PCDHA7: variants seen among roughly 807,000 people sequenced by gnomAD.
PCDHA7 encodes protocadherin alpha 7, also known as protocadherin alpha-7.
PCDHA7 carries 37 observed loss-of-function variants against 57.2 expected under a neutral mutation model. The ratio of observed to expected loss-of-function variants is 0.65; its 90% confidence interval spans 0.50 to 0.85. The LOEUF is 0.85. Ranked by LOEUF, PCDHA7 falls within the 40% of genes least tolerant of loss-of-function variation. The probability of loss-of-function intolerance (pLI) is 0.00; values close to 1 mark genes in which losing one functional copy is unlikely to be tolerated. For missense variants in PCDHA7, 1,188 were observed against 1,241.8 expected (o/e 0.96, Z 0.65); for synonymous variants, 553 against 558.8 (o/e 0.99, Z 0.15).
At position 140,931,440 on chromosome 5, in the gene PCDHA7, A is replaced by C. The variant is rs539915059; in HGVS notation, c.2356-47509A>C. Among the ~76,000 whole-genome samples the C allele has an allele frequency of 2.1e-5, 3 of 141,482 alleles. No individual in the cohort carries two copies. In the South Asian group the frequency reaches 6.9e-4, roughly 32 times the overall value. 92.8% of individuals were successfully genotyped at this position (141,482 alleles called of 152,430 possible). A position where few individuals can be genotyped will look rare whatever the true frequency, so the allele number is the denominator to read the frequency against. ...CTAGAAGTTAGAAGGAAAATTAGCT[A>C]TTTAAAAGGAAAAATATAGGAATGA... On this transcript the variant is annotated intron_variant, in intron 1 of 3. Transcript: ENST00000525929.
intron 1 of PCDHA7, chr5:140,860,619 CAT>C: frequency 6.6e-6 from 1 of 152,266 alleles, no homozygotes; most frequent in African/African-American, 2.4e-5. Context: ...GAAACATAAA[CAT>C]ATGCAGGAAT....
chr5:140,925,108 G>GGAAGGAAGGAAGGAA (rs1554202548), intron 1 of PCDHA7, among the ~76,000 whole-genome samples: 36 of 124,780 alleles, frequency 2.9e-4, no homozygotes, highest in African/African-American at 1.2e-3. Context: ...GAAGGAAGGA[G>GGAAGGAAGGAAGGAA]GGAAGGAAGG....
At chr5:140,862,843 C>T (rs781903712) in intron 1 of PCDHA7, 3 of 572,390 alleles carry the variant, frequency 5.2e-6, no homozygotes, top group African/African-American at 2.0e-5. Flanking sequence ...GGGCATGCCG[C>T]CTCTGAGCAG....
intron 1 of PCDHA7, among the ~76,000 whole-genome samples, chr5:140,974,524 T>C (rs976398044): frequency 5.9e-5 from 9 of 152,210 alleles, no homozygotes; most frequent in African/African-American, 9.7e-5. Flanking sequence ...TATTTTAGTT[T>C]TTTTGAGACG....
At position 140,979,015 on chromosome 5, in the gene PCDHA7, T is replaced by C. The variant is rs782169362; in HGVS notation, c.2414+8T>C. ...GAGAGCAGGCATGCACAGGTATGTATTTCCCTCCTCATTCACTCAGAAGTA... is the reference window on the plus strand; with the variant it reads ...GAGAGCAGGCATGCACAGGTATGTACTTCCCTCCTCATTCACTCAGAAGTA... On this transcript the variant is annotated splice_region_variant and intron_variant, in intron 2 of 3. Coordinates refer to ENST00000525929, the MANE Select transcript of PCDHA7 (RefSeq NM_018910.3). 1 of 1,613,802 alleles carries C rather than the reference T, an allele frequency of 6.2e-7. No individual in the cohort carries two copies. Among genetic ancestry groups the C allele is most frequent in the Non-Finnish European group, 8.5e-7 (1 of 1,179,916 alleles).
In PCDHA7 at chr5:140,870,260, G is replaced by T. The variant is rs782261095; in HGVS notation, c.2355+33522G>T. The T allele has an allele frequency of 2.0e-5, 32 of 1,614,082 alleles. No individual in the cohort carries two copies. The highest frequency in any genetic ancestry group is 3.3e-4 in the Middle Eastern group (2 of 6,082). On this transcript the variant is annotated intron_variant, in intron 1 of 3. Coordinates refer to ENST00000525929, the MANE Select transcript of PCDHA7 (RefSeq NM_018910.3). ...TCAGGTGTCAACGGACAGGTGACCT[G>T]CTCGCTGACGCCCCACGTTCCCTTC...
intron 1 of PCDHA7, chr5:140,860,649 AG>A (rs2046495256): frequency 1.3e-5 from 2 of 152,282 alleles, no homozygotes; most frequent in Non-Finnish European, 2.9e-5. Context: ...GAAGAAGATA[AG>A]TGAAATAATA....
At chr5:140,869,590 G>GAAGA in intron 1 of PCDHA7, 3 of 1,614,102 alleles carry the variant, frequency 1.9e-6, no homozygotes, top group Non-Finnish European at 2.5e-6. Context: ...TGCTGACATT[G>GAAGA]AAGAGAATGC....
intron 1 of PCDHA7, among the ~76,000 whole-genome samples, chr5:140,901,805 T>G (rs115665679): frequency 0.012 from 1,857 of 152,304 alleles, 44 homozygotes; most frequent in African/African-American, 0.042. Context: ...TGAACATTTT[T>G]ACAATATTGA....
Position 140,834,486 on chromosome 5 carries a change from G to A in PCDHA7, c.103G>A (p.Val35Ile). The change falls in exon 1 of 4, where the codon GTC (valine) becomes ATC (isoleucine). Residue 35 changes from valine (V) to isoleucine (I), a missense_variant. Around this residue, in one of 3 missense-constraint regions of PCDHA7, gnomAD observed 194 missense variants for 185.8 expected, o/e 1.04. Coordinates refer to ENST00000525929, the MANE Select transcript of PCDHA7 (RefSeq NM_018910.3). ...AGGGAGAGGCCAGCTCCACTACTCG[G>A]TCCCCGAGGAGGCTAAACATGGCAA... Reference protein sequence around the residue: ...EAGRGQLHYSVPEEAKHGNFV... With the variant: ...EAGRGQLHYSIPEEAKHGNFV... 6.2e-7 allele frequency: 1 copy of A among 1,614,160 alleles called. No individual in the cohort carries two copies. The highest frequency in any genetic ancestry group is 8.5e-7 in the Non-Finnish European group (1 of 1,180,046).
At chr5:140,872,054 C>T (rs970445290) in intron 1 of PCDHA7, among the ~76,000 whole-genome samples, 2 of 152,238 alleles carry the variant, frequency 1.3e-5, no homozygotes, top group East Asian at 3.8e-4. Flanking sequence ...CCCACTTCAG[C>T]CTCCAGAGTA....
chr5:140,982,487 A>G lies in PCDHA7; in HGVS notation c.2427A>G (p.Leu809=), dbSNP rs1417892860. 3 of 1,614,078 alleles carry G rather than the reference A, an allele frequency of 1.9e-6. No homozygotes were observed. Among genetic ancestry groups the G allele is most frequent in the Non-Finnish European group, 2.5e-6 (3 of 1,180,034 alleles). Residue 809 remains leucine (L), a synonymous_variant, in exon 3 of 4, where the codon CTA becomes CTG. Coordinates refer to ENST00000525929, the MANE Select transcript of PCDHA7 (RefSeq NM_018910.3). ...TGTGTTTATTCAGCTCTGTGCACCTAGAGGAGGCTGGCATTCTACGGGCTG... is the reference window on the plus strand; with the variant it reads ...TGTGTTTATTCAGCTCTGTGCACCTGGAGGAGGCTGGCATTCTACGGGCTG... The part of the protein sequence containing the change: ...LRAGMHSSVH[L]EEAGILRAGP...
At chr5:140,927,409 A>T (rs1554204480) in intron 1 of PCDHA7, 4 of 1,614,120 alleles carry the variant, frequency 2.5e-6, no homozygotes, top group Non-Finnish European at 3.4e-6. Context: ...TCGCCTGGAC[A>T]TGGGATCGCG....
rs782513302 is a variant in PCDHA7 at position 140,857,057 on chromosome 5, GTGGAACTAC to G, written c.2355+20324_2355+20332del. The stretch of plus-strand genomic sequence containing the variant: ...TATGGTTGGTCACTGCACGGTCCTA[GTGGAACTAC>G]TGGATGAAAATGATAATTCACCTGA... On this transcript the variant is annotated intron_variant, in intron 1 of 3. Coordinates refer to ENST00000525929, the MANE Select transcript of PCDHA7 (RefSeq NM_018910.3). 670 of 1,596,188 alleles carry G rather than the reference GTGGAACTAC, an allele frequency of 4.2e-4. 48 individuals are homozygous for G. The highest frequency in any genetic ancestry group is 2.0e-3 in the Middle Eastern group (12 of 5,996).
At chr5:140,857,347 G>A (rs781930086) in intron 1 of PCDHA7, 5 of 1,598,352 alleles carry the variant, frequency 3.1e-6, no homozygotes, top group Non-Finnish European at 4.3e-6. Context: ...GCTCGCCTCC[G>A]CTGTGGGCCA....
At chr5:140,844,751 T>G (rs1554140718) in intron 1 of PCDHA7, among the ~76,000 whole-genome samples, 1 of 149,538 alleles carries the variant, frequency 6.7e-6, no homozygotes. Flanking sequence ...ATGGGATAAA[T>G]CTTTGAAAAA....
chr5:140,925,762 T>G (rs1172229426), intron 1 of PCDHA7, among the ~76,000 whole-genome samples: 3 of 152,052 alleles, frequency 2.0e-5, no homozygotes, highest in African/African-American at 7.2e-5. Flanking sequence ...ACAGAGTAGT[T>G]TCCTGGTCAA....
intron 3 of PCDHA7, among the ~76,000 whole-genome samples, chr5:141,008,739 C>A (rs1554261919): frequency 1.3e-5 from 2 of 152,166 alleles, no homozygotes; most frequent in Non-Finnish European, 2.9e-5. Context: ...AGACTGTGAG[C>A]ACACTGAGGG....
intron 1 of PCDHA7, among the ~76,000 whole-genome samples, chr5:140,911,222 T>G (rs2075377398): frequency 6.6e-6 from 1 of 152,204 alleles, no homozygotes; most frequent in African/African-American, 2.4e-5. Flanking sequence ...ATGAGAAAGC[T>G]GTTTCTTCTG....
Sources: gnomAD v4.1 joint callset for allele counts (sites outside exome capture counted in the v4.1 genomes callset) on GRCh38, gnomAD v4.1.1 for gene constraint, gnomAD v4.1.1 regional missense constraint, MANE v1.5 for transcripts, NCBI Gene and HGNC (gene_info 2026-07-23, HGNC 2026-07-21) for gene names.